Variants in LPCAT2 observed in about 807,000 individuals in gnomAD.
LPCAT2 encodes lysophosphatidylcholine acyltransferase 2.
Under a neutral mutation model 64.7 loss-of-function variants are expected in LPCAT2, and 58 were observed. The observed-to-expected ratio is 0.90, with a 90% CI of 0.73 to 1.12. The LOEUF is 1.12. Ranked by LOEUF, LPCAT2 falls within the 50% of genes most tolerant of loss-of-function variation. LPCAT2 has a pLI of 0.00. For synonymous variants in LPCAT2, 252 were observed against 245.3 expected (o/e 1.03, Z -0.26); for missense variants, 579 against 669.8 (o/e 0.86, Z 1.50).
At chr16:55,520,875 T>C (rs1407522650) in intron 1 of LPCAT2, among the ~76,000 whole-genome samples, 1 of 151,792 alleles carries the variant, frequency 6.6e-6, no homozygotes, top group Non-Finnish European at 1.5e-5. Flanking sequence ...ACTAAACCAA[T>C]ACATTTAAAT....
intron 9 of LPCAT2, 64 bp downstream of exon 9, chr16:55,545,881 A>G: frequency 7.5e-7 from 1 of 1,336,066 alleles, no homozygotes; most frequent in Non-Finnish European, 1.0e-6. Flanking sequence ...ATGTCGTTTA[A>G]CTCATTTTAA....
chr16:55,542,971 T>C (rs1963414550), intron 8 of LPCAT2, among the ~76,000 whole-genome samples: 1 of 152,126 alleles, frequency 6.6e-6, no homozygotes, highest in Non-Finnish European at 1.5e-5. Flanking sequence ...TTGGGGTATA[T>C]AGATGTCTGT....
intron 8 of LPCAT2, chr16:55,541,210 T>G (rs907086495): frequency 6.6e-6 from 1 of 152,152 alleles, no homozygotes; most frequent in Non-Finnish European, 1.5e-5. Flanking sequence ...TAAAAGCTTA[T>G]AGTGAGCTTA....
intron 11 of LPCAT2, among the ~76,000 whole-genome samples, chr16:55,571,467 C>T (rs1246211298): frequency 6.6e-6 from 1 of 152,076 alleles, no homozygotes; most frequent in Non-Finnish European, 1.5e-5. Flanking sequence ...TTCCATGAGA[C>T]CATTATCTTT....
chr16:55,537,430 T>C (rs938951454), intron 7 of LPCAT2, 148 bp from the exon 8 acceptor site: 2 of 510,726 alleles, frequency 3.9e-6, no homozygotes, highest in Admixed American at 3.5e-5. Flanking sequence ...GCCCAAAAAG[T>C]GTTATAGCTG....
At chr16:55,520,646 AT>A (rs1567391239) in intron 1 of LPCAT2, among the ~76,000 whole-genome samples, 2 of 152,028 alleles carry the variant, frequency 1.3e-5, no homozygotes, top group African/African-American at 4.8e-5. Flanking sequence ...AAAGTTTGAA[AT>A]ATTACAGAGA....
intron 11 of LPCAT2, chr16:55,567,485 G>A: frequency 2.5e-6 from 4 of 1,613,300 alleles, no homozygotes; most frequent in Non-Finnish European, 3.4e-6. Context: ...AATGGCTGCA[G>A]TTGACCATGT....
At chr16:55,543,417 T>G (rs1412019383) in intron 8 of LPCAT2, among the ~76,000 whole-genome samples, 1 of 152,208 alleles carries the variant, frequency 6.6e-6, no homozygotes, top group Non-Finnish European at 1.5e-5. Context: ...ATGACCTAAA[T>G]CAAGTGTATT....
chr16:55,535,607 C>T (rs757613720), intron 7 of LPCAT2, among the ~76,000 whole-genome samples: 6 of 152,164 alleles, frequency 3.9e-5, no homozygotes, highest in South Asian at 2.1e-4. Flanking sequence ...GACTAAAATA[C>T]ATGTTTCATG....
chr16:55,527,395 G>C (rs528222695), intron 2 of LPCAT2, among the ~76,000 whole-genome samples: 2 of 149,486 alleles, frequency 1.3e-5, no homozygotes, highest in African/African-American at 4.9e-5. Flanking sequence ...CAGGAGAATC[G>C]CTTGTACCTG....
intron 9 of LPCAT2, 50 bp from the exon 10 acceptor site, chr16:55,549,227 C>CTTTT (rs143728020): frequency 1.4e-4 from 188 of 1,337,688 alleles, no homozygotes; most frequent in South Asian, 5.0e-4. Flanking sequence ...AATATGATTA[C>CTTTT]TTTTTTTTTT....
intron 8 of LPCAT2, among the ~76,000 whole-genome samples, chr16:55,542,990 A>G (rs1165300515): frequency 6.6e-6 from 1 of 152,226 alleles, no homozygotes; most frequent in African/African-American, 2.4e-5. Context: ...GTTGGGAACC[A>G]TAAAAGATAG....
intron 7 of LPCAT2, among the ~76,000 whole-genome samples, chr16:55,536,298 G>A (rs1179399692): frequency 6.6e-6 from 1 of 152,182 alleles, no homozygotes; most frequent in Non-Finnish European, 1.5e-5. Context: ...GAAGTATTTG[G>A]TCTGTCTGTA....
At chr16:55,557,213 T>C (rs1963586681) in intron 11 of LPCAT2, among the ~76,000 whole-genome samples, 1 of 152,084 alleles carries the variant, frequency 6.6e-6, no homozygotes, top group African/African-American at 2.4e-5. Context: ...TCACCTTTCT[T>C]TCCTTCCTTT....
chr16:55,531,930 A>G lies in LPCAT2; in HGVS notation c.659A>G (p.Glu220Gly). 4 of 1,589,480 alleles carry G rather than the reference A, an allele frequency of 2.5e-6. No individual in the cohort carries two copies. Among genetic ancestry groups the G allele is most frequent in the Non-Finnish European group, 3.5e-6 (4 of 1,158,894 alleles). The part of the protein sequence containing the change: ...GEWPQILVFP[E>G]GTCTNRSCLI... ...TTTCCCAAGATACTAGTTTTCCCAG[A>G]AGGTACTTGTACTAATCGTTCCTGT... Residue 220 changes from glutamate to glycine, a missense_variant, in exon 5 of 14, where the codon GAA becomes GGA. Transcript: ENST00000262134.
intron 13 of LPCAT2, among the ~76,000 whole-genome samples, chr16:55,581,433 A>C (rs1015052887): frequency 6.6e-6 from 1 of 152,192 alleles, no homozygotes; most frequent in Non-Finnish European, 1.5e-5. Flanking sequence ...ATTGCAAATA[A>C]TGATTTGAGT....
chr16:55,578,369 G>A (rs1344914606), intron 12 of LPCAT2, among the ~76,000 whole-genome samples: 2 of 152,116 alleles, frequency 1.3e-5, no homozygotes, highest in Non-Finnish European at 2.9e-5. Context: ...TTTGGCGCTT[G>A]TTCTGTTTTC....
chr16:55,579,410 C>A (rs1963865515), intron 13 of LPCAT2, among the ~76,000 whole-genome samples, 166 bp downstream of exon 13: 1 of 152,104 alleles, frequency 6.6e-6, no homozygotes, highest in Non-Finnish European at 1.5e-5. Flanking sequence ...ATAGTCATAG[C>A]TAATTATTGA....
At chr16:55,517,366 G>C (rs1321997627) in intron 1 of LPCAT2, among the ~76,000 whole-genome samples, 1 of 151,848 alleles carries the variant, frequency 6.6e-6, no homozygotes, top group Non-Finnish European at 1.5e-5. Flanking sequence ...ATCCCACAGA[G>C]AAAAGTTGAG....
Sources: gnomAD v4.1 joint callset for allele counts (sites outside exome capture counted in the v4.1 genomes callset) on GRCh38, gnomAD v4.1.1 for gene constraint, MANE v1.5 for transcripts, NCBI Gene and HGNC (gene_info 2026-07-23, HGNC 2026-07-21) for gene names.